VRK2: variants seen among roughly 807,000 people sequenced by gnomAD.
VRK2 encodes serine/threonine-protein kinase VRK2.
In VRK2, 60 loss-of-function variants were observed where a neutral mutation model predicts 57.6. The observed-to-expected ratio is 1.04, with a 90% CI of 0.85 to 1.29. The LOEUF (loss-of-function observed/expected upper bound fraction) is 1.29. Ranked by LOEUF, VRK2 falls within the 50% of genes most tolerant of loss-of-function variation. The pLI is 0.00. For missense variants in VRK2, 705 were observed against 588.1 expected, an observed-to-expected ratio of 1.20 and a Z score of -2.06; for synonymous variants, 231 against 199.2, an observed-to-expected ratio of 1.16 and a Z score of -1.35.
At chr2:57,950,439 G>A (rs1443563742) in intron 1 of VRK2, among the ~76,000 whole-genome samples, 1 of 152,200 alleles carries the variant, frequency 6.6e-6, no homozygotes, top group Non-Finnish European at 1.5e-5. Flanking sequence ...TGGAACAACA[G>A]TCTGGATGTC....
chr2:58,024,994 G>A (rs1189320129), intron 1 of VRK2, among the ~76,000 whole-genome samples: 1 of 152,142 alleles, frequency 6.6e-6, no homozygotes, highest in Non-Finnish European at 1.5e-5. Flanking sequence ...AAGAGAGAAT[G>A]GCTATGTGAT....
chr2:57,909,714 T>C (rs1169307934), intron 1 of VRK2, among the ~76,000 whole-genome samples: 2 of 152,212 alleles, frequency 1.3e-5, no homozygotes, highest in African/African-American at 2.4e-5. Flanking sequence ...TATTTAGCAA[T>C]GCCTGAAATA....
At chr2:58,006,415 T>C (rs570183520) in intron 1 of VRK2, among the ~76,000 whole-genome samples, 1 of 152,302 alleles carries the variant, frequency 6.6e-6, no homozygotes, top group African/African-American at 2.4e-5. Context: ...CTTAGGGAGA[T>C]TGGAATGTTA....
intron 8 of VRK2, among the ~76,000 whole-genome samples, chr2:58,127,330 C>T (rs1015956603): frequency 6.6e-5 from 10 of 151,974 alleles, no homozygotes; most frequent in Non-Finnish European, 1.5e-4. Flanking sequence ...TATGTCTTGG[C>T]CTTTTGATTG....
intron 12 of VRK2, among the ~76,000 whole-genome samples, chr2:58,158,007 A>C (rs1684234294): frequency 6.6e-6 from 1 of 152,202 alleles, no homozygotes; most frequent in East Asian, 1.9e-4. Context: ...AAATTCTTTG[A>C]TGAGTGCCTT....
intron 3 of VRK2, among the ~76,000 whole-genome samples, chr2:58,036,504 TCTAA>T (rs1439721737): frequency 6.6e-6 from 1 of 152,046 alleles, no homozygotes; most frequent in East Asian, 1.9e-4. Flanking sequence ...ATTAATCTAC[TCTAA>T]CTCTTTCTAT....
intron 7 of VRK2, among the ~76,000 whole-genome samples, chr2:58,117,345 T>G (rs1312781256): frequency 6.6e-6 from 1 of 152,036 alleles, no homozygotes; most frequent in Non-Finnish European, 1.5e-5. Context: ...GGAGGGCTAG[T>G]CACAGAAGGA....
chr2:58,135,230 T>TA (rs751201009), intron 10 of VRK2, 31 bp downstream of exon 10: 20 of 1,613,184 alleles, frequency 1.2e-5, no homozygotes, highest in Non-Finnish European at 1.6e-5. Flanking sequence ...AACCTTCTCT[T>TA]ACGATTTACA....
intron 10 of VRK2, among the ~76,000 whole-genome samples, chr2:58,138,954 T>C (rs139172719): frequency 1.1e-4 from 17 of 152,292 alleles, no homozygotes; most frequent in African/African-American, 1.9e-4. Context: ...TCTGTTTGTA[T>C]TTAAAAGTTG....
chr2:58,103,369 A>G (rs1674292749), intron 7 of VRK2, among the ~76,000 whole-genome samples: 1 of 151,658 alleles, frequency 6.6e-6, no homozygotes, highest in Non-Finnish European at 1.5e-5. Flanking sequence ...AACCAAGAAT[A>G]GAGAAGTTCC....
intron 7 of VRK2, among the ~76,000 whole-genome samples, chr2:58,120,691 G>A (rs974001066): frequency 3.9e-5 from 6 of 152,086 alleles, no homozygotes; most frequent in Non-Finnish European, 8.8e-5. Flanking sequence ...AAGAATACTT[G>A]AAATTAAAAA....
chr2:58,091,987 G>C (rs1239063615), intron 7 of VRK2, among the ~76,000 whole-genome samples: 1 of 152,086 alleles, frequency 6.6e-6, no homozygotes, highest in Non-Finnish European at 1.5e-5. Flanking sequence ...TTAGTGGAAG[G>C]GAATTTGGCA....
intron 2 of VRK2, among the ~76,000 whole-genome samples, chr2:58,075,724 A>G (rs912775198): frequency 6.6e-6 from 1 of 152,086 alleles, no homozygotes; most frequent in Admixed American, 6.6e-5. Flanking sequence ...CTTAGGTGAG[A>G]TAGGAAAGCT....
In VRK2 at chr2:58,127,229, G is replaced by A. The variant is rs190534604; in HGVS notation, c.676+3996G>A. ...CATGGTTTCATTTCACTCTAATCTA[G>A]CACTCCAACTTACAAAATATATGTG... On this transcript the variant is annotated intron_variant, in intron 8 of 12. Transcript: ENST00000340157. Among the ~76,000 whole-genome samples the A allele has an allele frequency of 3.0e-4, 45 of 151,932 alleles. 1 individual carries two copies. The East Asian group carries it at 8.7e-3, about 29-fold the overall frequency.
chr2:58,034,143 TC>T (rs1674201789), intron 3 of VRK2, among the ~76,000 whole-genome samples: 1 of 152,060 alleles, frequency 6.6e-6, no homozygotes. Context: ...CATGTTATTT[TC>T]TTATTTAAGG....
At chr2:58,048,447 CTCAG>C (rs1245335395) in intron 1 of VRK2, 1 of 764,362 alleles carries the variant, frequency 1.3e-6, no homozygotes, top group African/African-American at 1.9e-5. Flanking sequence ...ATTTTACATT[CTCAG>C]TGACAGCAAT....
intron 1 of VRK2, among the ~76,000 whole-genome samples, chr2:57,934,818 G>T (rs1251406204): frequency 1.3e-5 from 2 of 151,298 alleles, no homozygotes; most frequent in East Asian, 1.9e-4. Context: ...CTGAATTTCA[G>T]TTCACTGATT....
rs1229294509 is a variant in VRK2 at position 57,979,563 on chromosome 2, A to G, written c.-438-46102A>G. ...TGATGTTGGCCTCATAGAATTAGTTAAGGAGGAGTCCCTCCTCCTTGATTT... is the reference window on the plus strand; with the variant it reads ...TGATGTTGGCCTCATAGAATTAGTTGAGGAGGAGTCCCTCCTCCTTGATTT... On this transcript the variant is annotated intron_variant, in intron 1 of 15. Transcript: ENST00000417641. 2.8e-5 allele frequency among the ~76,000 whole-genome samples: 4 copies of G among 145,290 alleles called. No individual in the cohort carries two copies. In the East Asian group the frequency reaches 7.7e-4, roughly 28 times the overall value.
chr2:58,105,527 TGAGA>T (rs1674610983), intron 7 of VRK2, among the ~76,000 whole-genome samples: 1 of 151,870 alleles, frequency 6.6e-6, no homozygotes, highest in South Asian at 2.1e-4. Flanking sequence ...GTAGCTATTA[TGAGA>T]AAGACAAAAA....
Sources: gnomAD v4.1 joint callset for allele counts (sites outside exome capture counted in the v4.1 genomes callset) on GRCh38, gnomAD v4.1.1 for gene constraint, MANE v1.5 for transcripts, NCBI Gene and HGNC (gene_info 2026-07-23, HGNC 2026-07-21) for gene names.